Variants in NRXN1 observed in about 807,000 individuals in gnomAD.
NRXN1 encodes the protein neurexin-1.
A neutral mutation model predicts 150.9 loss-of-function variants in NRXN1; 39 were observed. That is an observed-to-expected ratio of 0.26 (90% CI 0.20 to 0.34). The LOEUF is 0.34. Among genes scored for constraint, NRXN1 ranks in the 10% least tolerant of loss-of-function variants. NRXN1 has a pLI of 1.00. For synonymous variants in NRXN1, 924 were observed against 757.0 expected (o/e 1.22, Z -3.62); for missense variants, 1,815 against 1,949.9 (o/e 0.93, Z 1.30).
At chr2:50,210,550 G>T (rs1390311889) in intron 18 of NRXN1, among the ~76,000 whole-genome samples, 1 of 151,672 alleles carries the variant, frequency 6.6e-6, no homozygotes, top group African/African-American at 2.4e-5. Context: ...TCATTTAGTA[G>T]ACCTTGTGAG....
chr2:50,925,426 T>G (rs1034201865), intron 3 of NRXN1, among the ~76,000 whole-genome samples: 1 of 151,868 alleles, frequency 6.6e-6, no homozygotes, highest in Non-Finnish European at 1.5e-5. Flanking sequence ...CACTGGCCAA[T>G]GGCTTATTTT....
intron 21 of NRXN1, among the ~76,000 whole-genome samples, chr2:49,974,514 A>C (rs1034451455): frequency 6.6e-6 from 1 of 152,116 alleles, no homozygotes; most frequent in African/African-American, 2.4e-5. Context: ...CAGCCCTTAA[A>C]CTGTTATGTG....
intron 8 of NRXN1, among the ~76,000 whole-genome samples, chr2:50,585,483 A>G (rs1053765121): frequency 6.6e-6 from 1 of 152,190 alleles, no homozygotes; most frequent in African/African-American, 2.4e-5. Context: ...CTAATGAATT[A>G]TATACTAAAA....
In NRXN1 at chr2:51,027,811, C is replaced by T. The variant is rs1575277312; in HGVS notation, c.463G>A (p.Val155Ile). Residue 155 changes from valine to isoleucine, a missense_variant, in exon 2 of 23, where the codon GTC (valine) becomes ATC (isoleucine). Val to Ile is a conservative substitution (Grantham distance 29). This residue lies in a region of NRXN1 where 554 missense variants were observed against 478.8 expected (regional missense o/e 1.16). Coordinates refer to ENST00000401669, the MANE Select transcript of NRXN1 (RefSeq NM_001330078.2). Reference sequence around the variant, plus strand: ...CGCAGTTCCGGGGGCAGCCCCCCGACGAAAAGGCCGCTGAACACCGTCATG... The same window carrying T: ...CGCAGTTCCGGGGGCAGCCCCCCGATGAAAAGGCCGCTGAACACCGTCATG... ...RDMTVFSGLF[V>I]GGLPPELRAA... 1.2e-6 allele frequency: 2 copies of T among 1,613,158 alleles called. No individual in the cohort carries two copies. The highest frequency in any genetic ancestry group is 1.7e-6 in the Non-Finnish European group (2 of 1,179,674).
intron 22 of NRXN1, among the ~76,000 whole-genome samples, chr2:49,934,530 T>C (rs939700269): frequency 2.6e-5 from 4 of 152,336 alleles, no homozygotes; most frequent in African/African-American, 9.6e-5. Context: ...TTTCTTTTGT[T>C]GGGAAAAAGA....
intron 5 of NRXN1, chr2:50,656,328 A>G: frequency 1.3e-6 from 1 of 761,390 alleles, no homozygotes; most frequent in South Asian, 1.4e-5. Flanking sequence ...AGTAACACTT[A>G]TAATTCTATA....
chr2:51,005,607 C>G (rs1356837193), intron 2 of NRXN1, among the ~76,000 whole-genome samples: 1 of 151,572 alleles, frequency 6.6e-6, no homozygotes, highest in Non-Finnish European at 1.5e-5. Flanking sequence ...ACATGCAAGA[C>G]TATAAAACTC....
At chr2:50,356,593 G>A (rs1275983042) in intron 17 of NRXN1, among the ~76,000 whole-genome samples, 1 of 152,112 alleles carries the variant, frequency 6.6e-6, no homozygotes, top group East Asian at 1.9e-4. Flanking sequence ...ACAGGTGTTA[G>A]TAGATCCAAA....
intron 2 of NRXN1, among the ~76,000 whole-genome samples, chr2:51,010,321 T>C (rs1043704942): frequency 5.9e-5 from 9 of 152,172 alleles, no homozygotes; most frequent in Non-Finnish European, 1.2e-4. Context: ...TGCCTTTTTA[T>C]ACATAAATAA....
chr2:50,039,785 A>C (rs1180633918), intron 21 of NRXN1, among the ~76,000 whole-genome samples: 3 of 152,194 alleles, frequency 2.0e-5, no homozygotes, highest in East Asian at 1.9e-4. Flanking sequence ...AGAAAAAATA[A>C]GTATGTTGAG....
chr2:50,909,786 T>C (rs1684270470), intron 5 of NRXN1, among the ~76,000 whole-genome samples: 1 of 151,968 alleles, frequency 6.6e-6, no homozygotes, highest in Non-Finnish European at 1.5e-5. Context: ...AGAAAGGCAA[T>C]TAGGCAAAAC....
At chr2:51,018,614 C>T (rs1669111953) in intron 2 of NRXN1, among the ~76,000 whole-genome samples, 1 of 152,064 alleles carries the variant, frequency 6.6e-6, no homozygotes, top group African/African-American at 2.4e-5. Flanking sequence ...CAATTAAGTG[C>T]CCACTGTACC....
At chr2:50,693,256 A>G (rs1437727928) in intron 5 of NRXN1, among the ~76,000 whole-genome samples, 2 of 152,188 alleles carry the variant, frequency 1.3e-5, no homozygotes, top group East Asian at 3.8e-4. Flanking sequence ...ACAGAAACAG[A>G]GTGCTTAATG....
intron 8 of NRXN1, among the ~76,000 whole-genome samples, chr2:50,600,049 A>G (rs1675988618): frequency 6.6e-6 from 1 of 152,128 alleles, no homozygotes; most frequent in Non-Finnish European, 1.5e-5. Context: ...AACAAAAATA[A>G]TATTTTAGAA....
At chr2:50,206,975 T>A (rs17461479) in intron 18 of NRXN1, among the ~76,000 whole-genome samples, 5,076 of 151,760 alleles carry the variant, frequency 0.033, 119 homozygotes, top group South Asian at 0.064. Flanking sequence ...TATCATGTCA[T>A]AATATTGAAA....
intron 2 of NRXN1, among the ~76,000 whole-genome samples, chr2:50,988,228 T>G (rs1358656884): frequency 6.6e-6 from 1 of 151,954 alleles, no homozygotes. Context: ...CAATGACTAT[T>G]CCTGTGGCAT....
intron 17 of NRXN1, among the ~76,000 whole-genome samples, chr2:50,364,451 C>G (rs2079444170): frequency 6.6e-6 from 1 of 152,118 alleles, no homozygotes; most frequent in African/African-American, 2.4e-5. Context: ...TGATCCCATT[C>G]CAGCTAATAT....
intron 18 of NRXN1, among the ~76,000 whole-genome samples, chr2:50,170,680 C>CA (rs890472794): frequency 1.1e-4 from 16 of 151,170 alleles, no homozygotes; most frequent in African/African-American, 3.2e-4. Flanking sequence ...ATTCCACAAA[C>CA]AAAAAAACCC....
chr2:50,271,243 G>C (rs1173907567), intron 17 of NRXN1, among the ~76,000 whole-genome samples: 1 of 152,070 alleles, frequency 6.6e-6, no homozygotes, highest in African/African-American at 2.4e-5. Context: ...ATTGAACTTA[G>C]CTACCAATAA....
Sources: gnomAD v4.1 joint callset for allele counts (sites outside exome capture counted in the v4.1 genomes callset) on GRCh38, gnomAD v4.1.1 for gene constraint, gnomAD v4.1.1 regional missense constraint, MANE v1.5 for transcripts, NCBI Gene and HGNC (gene_info 2026-07-23, HGNC 2026-07-21) for gene names.